SMAD2: variants seen among roughly 807,000 people sequenced by gnomAD.
SMAD2 encodes MAD homolog 2.
SMAD2 carries 8 observed loss-of-function variants against 64.4 expected under a neutral mutation model. That is an observed-to-expected ratio of 0.12 (90% CI 0.07 to 0.22). The LOEUF (loss-of-function observed/expected upper bound fraction) is 0.22, where lower values mean the gene tolerates loss of function less well. Among genes scored for constraint, SMAD2 ranks in the 10% least tolerant of loss-of-function variants. The probability of loss-of-function intolerance (pLI) is 1.00; values close to 1 mark genes in which losing one functional copy is unlikely to be tolerated. For missense variants in SMAD2, 289 were observed against 561.2 expected, an observed-to-expected ratio of 0.51 and a Z score of 4.90; for synonymous variants, 203 against 195.8, an observed-to-expected ratio of 1.04 and a Z score of -0.31.
At chr18:47,910,513 A>G (rs1284779750) in intron 1 of SMAD2, among the ~76,000 whole-genome samples, 2 of 152,210 alleles carry the variant, frequency 1.3e-5, no homozygotes, top group Non-Finnish European at 2.9e-5. Flanking sequence ...ACATTTTTGG[A>G]GAAATGAAAA....
rs1912443894 is a variant in SMAD2 at position 47,818,377 on chromosome 18, GTTAA to G, written c.*23446_*23449del. The G allele has an allele frequency of 6.6e-6, 1 of 152,204 alleles. No individual in the cohort carries two copies. Among genetic ancestry groups the G allele is most frequent in the South Asian group, 2.1e-4 (1 of 4,830 alleles). The allele number at this position is 152,204 out of a possible 1,614,324, so 9.4% of individuals were successfully genotyped here. On this transcript the variant is annotated 3_prime_UTR_variant, in exon 11 of 11. Transcript: ENST00000262160. ...AATAACTGCTTAGGGTGATGGAACA[GTTAA>G]TTAAAGGATTAATAGCCTAAAAGAA... is the stretch of plus-strand genomic sequence containing the variant.
At chr18:47,922,365 A>T (rs1486054271) in intron 1 of SMAD2, among the ~76,000 whole-genome samples, 2 of 152,236 alleles carry the variant, frequency 1.3e-5, no homozygotes, top group Admixed American at 1.3e-4. Flanking sequence ...ACATGGATTA[A>T]ACCAACCATG....
At chr18:47,879,528 G>GTGTGTGTGTGTGTGTGTGT (rs1555653713) in intron 2 of SMAD2, among the ~76,000 whole-genome samples, 3 of 151,020 alleles carry the variant, frequency 2.0e-5, no homozygotes, top group South Asian at 2.1e-4. Context: ...GTGTGTGTGT[G>GTGTGTGTGTGTGTGTGTGT]GAGTCGTTTT....
In SMAD2 at chr18:47,850,307, GTA is replaced by G. The variant is rs71162895; in HGVS notation, c.784+965_784+966del. Among the ~76,000 whole-genome samples the G allele has an allele frequency of 9.5e-5, 2 of 21,004 alleles. 1 individual carries two copies. The highest frequency in any genetic ancestry group is 2.2e-3 in the Admixed American group (2 of 926). The allele number at this position is 21,004 out of a possible 152,430, so 13.8% of individuals were successfully genotyped here. On this transcript the variant is annotated intron_variant, in intron 7 of 10. Coordinates refer to ENST00000262160, the MANE Select transcript of SMAD2 (RefSeq NM_005901.6). The stretch of plus-strand genomic sequence containing the variant: ...ATATATTATGTATAATATATATTAT[GTA>G]TGTTATATACATATTATGTATAATA...
rs528955564 is a variant in SMAD2 at position 47,898,887 on chromosome 18, A to AC, written c.-53-2079_-53-2078insG. Reference sequence around the variant, plus strand: ...TATTCATTCCTTTTTGCATTCAACAATTTTTTTTTTTTGCCTGTCTATTGT... The same window carrying AC: ...TATTCATTCCTTTTTGCATTCAACAACTTTTTTTTTTTTGCCTGTCTATTGT... On this transcript the variant is annotated intron_variant, in intron 1 of 10. Coordinates refer to ENST00000262160, the MANE Select transcript of SMAD2 (RefSeq NM_005901.6). Among the ~76,000 whole-genome samples, 12 of 149,022 alleles carry AC rather than the reference A, an allele frequency of 8.1e-5. No individual in the cohort carries two copies. In the East Asian group the frequency reaches 2.4e-3, roughly 29 times the overall value.
intron 5 of SMAD2, among the ~76,000 whole-genome samples, chr18:47,867,921 A>G (rs1210831058): frequency 6.6e-6 from 1 of 152,192 alleles, no homozygotes; most frequent in African/African-American, 2.4e-5. Context: ...AATATTACCA[A>G]GTTATCTAAG....
chr18:47,885,881 G>A (rs1275239894), intron 2 of SMAD2, among the ~76,000 whole-genome samples: 5 of 152,162 alleles, frequency 3.3e-5, no homozygotes, highest in African/African-American at 9.7e-5. Context: ...AGGATCACCG[G>A]AGCCCAGGAA....
intron 1 of SMAD2, among the ~76,000 whole-genome samples, chr18:47,922,276 A>G (rs1442282554): frequency 1.3e-5 from 2 of 152,256 alleles, no homozygotes; most frequent in Non-Finnish European, 2.9e-5. Flanking sequence ...GTGCTGCCTC[A>G]TCTAGAACAT....
chr18:47,915,693 G>A (rs1412622554), intron 1 of SMAD2, among the ~76,000 whole-genome samples: 4 of 152,070 alleles, frequency 2.6e-5, no homozygotes, highest in South Asian at 4.1e-4. Flanking sequence ...TGAGGGTCGC[G>A]AACCGTGAGT....
Position 47,822,836 on chromosome 18 carries a change from C to G in SMAD2, c.*18991G>C, listed in dbSNP as rs1912619859. On this transcript the variant is annotated 3_prime_UTR_variant, in exon 11 of 11. Transcript: ENST00000262160. ...GGACTACAGGCATGCACCACCACAC[C>G]CAGCTAATTTTTGTATTTTTTAGTA... The G allele has an allele frequency of 6.6e-6, 1 of 152,160 alleles. No individual in the cohort carries two copies. Among genetic ancestry groups the G allele is most frequent in the African/African-American group, 2.4e-5 (1 of 41,430 alleles). 9.4% of individuals were successfully genotyped at this position (152,160 alleles called of 1,614,324 possible).
chr18:47,824,769 T>A lies in SMAD2; in HGVS notation c.*17058A>T, dbSNP rs1223329353. The stretch of plus-strand genomic sequence containing the variant: ...ACATAAAAAGTATGTCGAACATTTT[T>A]AATTTCAAACACCAAACTTAAATAG... On this transcript the variant is annotated 3_prime_UTR_variant, in exon 11 of 11. Coordinates refer to ENST00000262160, the MANE Select transcript of SMAD2 (RefSeq NM_005901.6). The A allele has an allele frequency of 1.3e-5, 2 of 152,238 alleles. No homozygotes were observed. Among genetic ancestry groups the A allele is most frequent in the South Asian group, 2.1e-4 (1 of 4,830 alleles). The allele number at this position is 152,238 out of a possible 1,614,324, so 9.4% of individuals were successfully genotyped here. A position where few individuals can be genotyped will look rare whatever the true frequency, so the allele number is the denominator to read the frequency against.
intron 1 of SMAD2, among the ~76,000 whole-genome samples, chr18:47,909,074 A>G (rs2034018977): frequency 6.6e-6 from 1 of 152,158 alleles, no homozygotes; most frequent in African/African-American, 2.4e-5. Context: ...CAGCTAAAAA[A>G]AAAAAAAAAA....
At chr18:47,882,207 G>C (rs112581783) in intron 2 of SMAD2, among the ~76,000 whole-genome samples, 2,594 of 150,994 alleles carry the variant, frequency 0.017, 67 homozygotes, top group African/African-American at 0.059. Flanking sequence ...TCTTTTTTCG[G>C]GGGTGGGGGA....
At position 47,850,664 on chromosome 18, in the gene SMAD2, AC is replaced by A. The variant is rs1312786582; in HGVS notation, c.784+609del. On this transcript the variant is annotated intron_variant, in intron 7 of 10. Transcript: ENST00000262160. ...ATATTATGTATAATATATATTATAT[AC>A]TATATATATATTATATATATAATGT... Among the ~76,000 whole-genome samples, 58 of 20,848 alleles carry A rather than the reference AC, an allele frequency of 2.8e-3. 3 individuals carry two copies. Among genetic ancestry groups the A allele is most frequent in the African/African-American group, 4.2e-3 (19 of 4,510 alleles). The allele number at this position is 20,848 out of a possible 152,430, so 13.7% of individuals were successfully genotyped here.
chr18:47,882,221 G>A (rs1017910557), intron 2 of SMAD2: 1 of 151,006 alleles, frequency 6.6e-6, no homozygotes, highest in African/African-American at 2.4e-5. Context: ...TGGGGGACAA[G>A]GTCCCAATGT....
At chr18:47,887,558 T>A (rs894179874) in intron 2 of SMAD2, among the ~76,000 whole-genome samples, 3 of 152,198 alleles carry the variant, frequency 2.0e-5, no homozygotes, top group African/African-American at 7.2e-5. Context: ...CAACCAAGTA[T>A]GGCCTCTTGA....
Position 47,816,870 on chromosome 18 carries a change from C to T in SMAD2, c.*24957G>A, listed in dbSNP as rs1912390876. ...CTCCACTTCTCAGGTTCAAGCCAAT[C>T]TTCTGCCTCAGCCTCCCAAGTAGCG... On this transcript the variant is annotated 3_prime_UTR_variant, in exon 11 of 11. Transcript: ENST00000262160. 6.6e-6 allele frequency: 1 copy of T among 150,596 alleles called. No individual in the cohort carries two copies. The highest frequency in any genetic ancestry group is 1.5e-5 in the Non-Finnish European group (1 of 67,858). The allele number at this position is 150,596 out of a possible 1,614,324, so 9.3% of individuals were successfully genotyped here.
chr18:47,876,770 A>C (rs1324071653), intron 2 of SMAD2, among the ~76,000 whole-genome samples: 1 of 152,092 alleles, frequency 6.6e-6, no homozygotes, highest in Non-Finnish European at 1.5e-5. Context: ...ACTGAAATTA[A>C]AATTTAATAT....
At position 47,837,569 on chromosome 18, in the gene SMAD2, A is replaced by AAC. The variant is rs1298133641; in HGVS notation, c.*4257_*4258insGT. ...AGAGCGAGACTCCCTCTCAAAAAAA[A>AAC]AAAAAAAAAACAAAAAACAAGGCTA... On this transcript the variant is annotated 3_prime_UTR_variant, in exon 11 of 11. Coordinates refer to ENST00000262160, the MANE Select transcript of SMAD2 (RefSeq NM_005901.6). The AAC allele has an allele frequency of 8.8e-6, 2 of 227,216 alleles. No individual in the cohort carries two copies. Among genetic ancestry groups the AAC allele is most frequent in the Non-Finnish European group, 1.7e-5 (2 of 115,236 alleles). 14.1% of individuals were successfully genotyped at this position (227,216 alleles called of 1,614,324 possible).
Sources: gnomAD v4.1 joint callset for allele counts (sites outside exome capture counted in the v4.1 genomes callset) on GRCh38, gnomAD v4.1.1 for gene constraint, MANE v1.5 for transcripts, NCBI Gene and HGNC (gene_info 2026-07-23, HGNC 2026-07-21) for gene names.